Variants in IL1RL1 observed in about 807,000 individuals in gnomAD.
The protein encoded by IL1RL1 is interleukin 1 receptor like 1, also known as interleukin-1 receptor-like 1.
Under a neutral mutation model 50.9 loss-of-function variants are expected in IL1RL1, and 32 were observed. That is an observed-to-expected ratio of 0.63 (90% CI 0.47 to 0.84). The LOEUF is 0.84. Ranked by LOEUF, IL1RL1 falls within the 40% of genes least tolerant of loss-of-function variation. IL1RL1 has a pLI of 0.00. For missense variants in IL1RL1, 773 were observed against 662.9 expected, an observed-to-expected ratio of 1.17 and a Z score of -1.82; for synonymous variants, 275 against 236.0, an observed-to-expected ratio of 1.17 and a Z score of -1.51.
At chr2:102,329,239 A>T (rs1677103687) in intron 1 of IL1RL1, among the ~76,000 whole-genome samples, 2 of 152,206 alleles carry the variant, frequency 1.3e-5, no homozygotes, top group Admixed American at 6.5e-5. Flanking sequence ...GAAATGGGGA[A>T]AGGATTCCCT....
chr2:102,319,890 T>A (rs146508821), intron 1 of IL1RL1, among the ~76,000 whole-genome samples: 1 of 152,186 alleles, frequency 6.6e-6, no homozygotes, highest in African/African-American at 2.4e-5. Context: ...GGACTTACTA[T>A]GTTGCCCAGG....
intron 4 of IL1RL1, 123 bp downstream of exon 4, chr2:102,340,395 T>G: frequency 1.2e-6 from 1 of 817,972 alleles, no homozygotes; most frequent in East Asian, 2.9e-5. Context: ...GGCAGATCAC[T>G]TGAGGCCAGG....
chr2:102,347,933 T>C lies in IL1RL1; in HGVS notation c.971-12T>C. 6.9e-7 allele frequency: 1 copy of C among 1,440,480 alleles called. No homozygotes were observed. The highest frequency in any genetic ancestry group is 9.7e-7 in the Non-Finnish European group (1 of 1,026,544). 89.2% of individuals were successfully genotyped at this position (1,440,480 alleles called of 1,614,324 possible). A position where few individuals can be genotyped will look rare whatever the true frequency, so the allele number is the denominator to read the frequency against. ...CAGTAGTAATAATAATCTTTTTCTTTCTTTTGAATAGTTGATCATCATAGC... is the reference window on the plus strand; with the variant it reads ...CAGTAGTAATAATAATCTTTTTCTTCCTTTTGAATAGTTGATCATCATAGC... On this transcript the variant is annotated splice_polypyrimidine_tract_variant and intron_variant, in intron 8 of 10. Coordinates refer to ENST00000233954, the MANE Select transcript of IL1RL1 (RefSeq NM_016232.5).
chr2:102,320,877 T>A (rs1321296141), intron 1 of IL1RL1, among the ~76,000 whole-genome samples: 1 of 152,216 alleles, frequency 6.6e-6, no homozygotes. Flanking sequence ...GAGTGTTTAA[T>A]ACCTACGTCA....
At chr2:102,341,454 C>A (rs1677561080) in intron 5 of IL1RL1, 2 of 595,376 alleles carry the variant, frequency 3.4e-6, no homozygotes, top group Non-Finnish European at 2.3e-6. Context: ...GCTTATCAAT[C>A]TACAAAGGAT....
chr2:102,315,732 A>G (rs1676656335), intron 1 of IL1RL1, among the ~76,000 whole-genome samples: 1 of 152,122 alleles, frequency 6.6e-6, no homozygotes, highest in Non-Finnish European at 1.5e-5. Flanking sequence ...GTACACACCA[A>G]CTCTCAAGAC....
intron 1 of IL1RL1, among the ~76,000 whole-genome samples, chr2:102,317,298 A>G (rs4613307): frequency 0.48 from 72,703 of 151,866 alleles, 17,699 homozygotes; most frequent in Middle Eastern, 0.64. Context: ...AGCTTGCAGT[A>G]AGCCCAGATG....
intron 1 of IL1RL1, among the ~76,000 whole-genome samples, chr2:102,329,426 T>C (rs1299523238): frequency 1.3e-5 from 2 of 152,150 alleles, no homozygotes; most frequent in Non-Finnish European, 2.9e-5. Flanking sequence ...GACATAGGCA[T>C]GGGCAAGGAC....
At position 102,336,890 on chromosome 2, in the gene IL1RL1, C is replaced by T. The variant is rs532999557; in HGVS notation, c.-149-1226C>T. 3.9e-5 allele frequency among the ~76,000 whole-genome samples: 6 copies of T among 152,286 alleles called. No homozygotes were observed. The East Asian group carries it at 9.6e-4, about 24-fold the overall frequency. On this transcript the variant is annotated intron_variant, in intron 1 of 10. Transcript: ENST00000233954. ...CTGGCACCAATGCTGCCAAGGCTGG[C>T]GGAGCTTTCCTGAGTGGTGTCTGCC...
intron 9 of IL1RL1, among the ~76,000 whole-genome samples, chr2:102,348,485 G>A (rs149096604): frequency 7.2e-5 from 11 of 152,302 alleles, no homozygotes; most frequent in African/African-American, 2.6e-4. Context: ...CCATCGGAAT[G>A]CATGTGTGTT....
intron 5 of IL1RL1, chr2:102,341,261 G>A (rs1463331824): frequency 8.0e-7 from 1 of 1,248,520 alleles, no homozygotes; most frequent in Non-Finnish European, 1.0e-6. Flanking sequence ...AAAGTCTAAT[G>A]AGAGGCTTTG....
At chr2:102,313,438 T>C (rs1007965952) in intron 1 of IL1RL1, 1 of 152,168 alleles carries the variant, frequency 6.6e-6, no homozygotes, top group Non-Finnish European at 1.5e-5. Context: ...GTTGTTTAGG[T>C]GAGGAGATTG....
chr2:102,349,925 A>G (rs375562984), intron 10 of IL1RL1, among the ~76,000 whole-genome samples: 2 of 152,184 alleles, frequency 1.3e-5, no homozygotes, highest in African/African-American at 4.8e-5. Context: ...GGGCTCAGCT[A>G]TCAAGGGCCT....
At chr2:102,314,847 T>C (rs1676630565) in intron 1 of IL1RL1, among the ~76,000 whole-genome samples, 1 of 152,174 alleles carries the variant, frequency 6.6e-6, no homozygotes, top group Non-Finnish European at 1.5e-5. Flanking sequence ...TATAGGATAG[T>C]TCCTGGGCTC....
At chr2:102,343,848 T>G in intron 8 of IL1RL1, 1 of 1,012,302 alleles carries the variant, frequency 9.9e-7, no homozygotes, top group Non-Finnish European at 1.2e-6. Context: ...GAACACTCAT[T>G]TTGTTAGCGA....
chr2:102,348,917 T>G (rs1677857344), intron 9 of IL1RL1, among the ~76,000 whole-genome samples, 162 bp from the exon 10 acceptor site: 1 of 152,220 alleles, frequency 6.6e-6, no homozygotes, highest in African/African-American at 2.4e-5. Flanking sequence ...GATAGTGTTT[T>G]GTGGCAGTGG....
chr2:102,338,627 C>A (rs1302753300), intron 2 of IL1RL1, among the ~76,000 whole-genome samples: 2 of 152,154 alleles, frequency 1.3e-5, no homozygotes, highest in Non-Finnish European at 2.9e-5. Context: ...GATAAGGCTG[C>A]TTTTCCATTG....
At chr2:102,346,390 C>T (rs1677785261) in intron 8 of IL1RL1, among the ~76,000 whole-genome samples, 1 of 152,216 alleles carries the variant, frequency 6.6e-6, no homozygotes, top group Non-Finnish European at 1.5e-5. Context: ...GATTCAAACA[C>T]AGCCAGCATT....
At position 102,338,914 on chromosome 2, in the gene IL1RL1, G is replaced by T. The variant is rs201523855; in HGVS notation, c.139G>T (p.Asp47Tyr). 1.9e-6 allele frequency: 3 copies of T among 1,613,514 alleles called. No homozygotes were observed. The African/African-American group carries it at 4.0e-5, about 22-fold the overall frequency. The change falls in exon 3 of 11, where the codon GAT becomes TAT. Residue 47 changes from aspartate (D) to tyrosine (Y), a missense_variant. By Grantham distance (160) the Asp-to-Tyr change is radical. Coordinates refer to ENST00000233954, the MANE Select transcript of IL1RL1 (RefSeq NM_016232.5). ...ACAAGGAAAACCTAGTTACACCGTG[G>T]ATTGGTATTACTCACAAACAAACAA... ...PRQGKPSYTV[D>Y]WYYSQTNKSI...
Sources: allele counts gnomAD v4.1 joint callset (sites outside exome capture counted in the v4.1 genomes callset), GRCh38; gene constraint gnomAD v4.1.1; transcripts MANE v1.5; gene names NCBI Gene and HGNC (gene_info 2026-07-23, HGNC 2026-07-21).